Variants in TBC1D1 observed in about 807,000 individuals in gnomAD.
The protein encoded by TBC1D1 is TBC1 domain family member 1.
A neutral mutation model predicts 125.6 loss-of-function variants in TBC1D1; 89 were observed. The observed-to-expected ratio is 0.71, with a 90% CI of 0.60 to 0.85. The LOEUF (loss-of-function observed/expected upper bound fraction) is 0.85. Among genes scored for constraint, TBC1D1 ranks in the 40% least tolerant of loss-of-function variants. The probability of loss-of-function intolerance (pLI) is 0.00; values close to 1 mark genes in which losing one functional copy is unlikely to be tolerated. For synonymous variants in TBC1D1, 565 were observed against 564.1 expected (o/e 1.00, Z -0.02); for missense variants, 1,377 against 1,469.2 (o/e 0.94, Z 1.03).
chr4:37,999,676 G>A (rs1738603221), intron 2 of TBC1D1, among the ~76,000 whole-genome samples: 1 of 152,178 alleles, frequency 6.6e-6, no homozygotes, highest in Admixed American at 6.5e-5. Flanking sequence ...GTGGAGGAGA[G>A]TCAGTGGAAG....
chr4:38,052,194 T>TGTGC (rs755025486), intron 11 of TBC1D1, 134 bp downstream of exon 12: 668 of 580,848 alleles, frequency 1.2e-3, no homozygotes, highest in Non-Finnish European at 1.4e-3. Context: ...TGTGTGTGTG[T>TGTGC]GCGCGCGCGT....
intron 15 of TBC1D1, among the ~76,000 whole-genome samples, chr4:38,108,697 C>G (rs1251297991): frequency 6.6e-6 from 1 of 152,188 alleles, no homozygotes; most frequent in African/African-American, 2.4e-5. Context: ...TTTGCTTCTA[C>G]TAAATGTATA....
At chr4:37,899,090 C>G (rs1715265365) in intron 1 of TBC1D1, among the ~76,000 whole-genome samples, 1 of 152,124 alleles carries the variant, frequency 6.6e-6, no homozygotes. Context: ...GATTAAGTTA[C>G]TCCAGGAAAT....
At chr4:38,091,147 C>T (rs754818774) in intron 13 of TBC1D1, among the ~76,000 whole-genome samples, 2 of 152,142 alleles carry the variant, frequency 1.3e-5, no homozygotes, top group Non-Finnish European at 2.9e-5. Flanking sequence ...TTGAAAAGTA[C>T]GAATTCATAG....
intron 2 of TBC1D1, among the ~76,000 whole-genome samples, chr4:38,005,519 C>G (rs1234877751): frequency 6.6e-6 from 1 of 152,168 alleles, no homozygotes; most frequent in Admixed American, 6.5e-5. Context: ...CTTGTGATCC[C>G]CTAGCCTGGC....
chr4:37,996,289 T>C, intron 2 of TBC1D1: 1 of 219,706 alleles, frequency 4.6e-6, no homozygotes, highest in East Asian at 9.8e-5. Flanking sequence ...TAAATATATA[T>C]TGAAGTTATC....
At chr4:38,098,034 G>C (rs923662580) in intron 14 of TBC1D1, among the ~76,000 whole-genome samples, 40 of 152,324 alleles carry the variant, frequency 2.6e-4, no homozygotes, top group Non-Finnish European at 4.7e-4. Context: ...GGATCTCCAG[G>C]TGCTTATCTC....
intron 12 of TBC1D1, among the ~76,000 whole-genome samples, chr4:38,087,662 T>G (rs1352688626): frequency 6.6e-6 from 1 of 151,628 alleles, no homozygotes; most frequent in Admixed American, 6.6e-5. Context: ...GCCAACATGG[T>G]GAAACCCCGT....
chr4:37,928,927 T>C (rs1161418820), intron 2 of TBC1D1, among the ~76,000 whole-genome samples: 1 of 152,234 alleles, frequency 6.6e-6, no homozygotes, highest in Non-Finnish European at 1.5e-5. Context: ...TTCTCGGCAG[T>C]GCTGAAGATT....
At chr4:38,002,082 G>A (rs1739193185) in intron 2 of TBC1D1, among the ~76,000 whole-genome samples, 1 of 152,166 alleles carries the variant, frequency 6.6e-6, no homozygotes, top group South Asian at 2.1e-4. Context: ...GCTTGAGAGA[G>A]AGCATTCCTG....
intron 2 of TBC1D1, among the ~76,000 whole-genome samples, chr4:37,920,440 G>A (rs1720714389): frequency 6.6e-6 from 1 of 152,210 alleles, no homozygotes; most frequent in African/African-American, 2.4e-5. Flanking sequence ...GTGAGCTGGG[G>A]AGTGCAGAAA....
rs758739797 is a variant in TBC1D1, at chr4:38,115,804, C to T, written c.2652C>T (p.Asp884=). Residue 884 remains aspartate, a synonymous_variant, in exon 16 of 20, where the codon GAC becomes GAT. Coordinates refer to ENST00000261439, the MANE Select transcript of TBC1D1 (RefSeq NM_015173.4). ...TTTTGAAGGCCTACTCACTTCTAGACCAGGAAGTGGGATATTGCCAAGGTC... is the reference window on the plus strand; with the variant it reads ...TTTTGAAGGCCTACTCACTTCTAGATCAGGAAGTGGGATATTGCCAAGGTC... 6.2e-7 allele frequency: 1 copy of T among 1,614,156 alleles called. No individual in the cohort carries two copies. Among genetic ancestry groups the T allele is most frequent in the Non-Finnish European group, 8.5e-7 (1 of 1,180,022 alleles).
chr4:37,995,296 G>A lies in TBC1D1; in HGVS notation c.418-19213G>A, dbSNP rs1053001257. 2.6e-5 allele frequency among the ~76,000 whole-genome samples: 4 copies of A among 152,160 alleles called. No individual in the cohort carries two copies. The highest frequency in any genetic ancestry group is 7.2e-5 in the African/African-American group (3 of 41,436). On this transcript the variant is annotated intron_variant, in intron 2 of 19. Transcript: ENST00000261439. This position sits in a 1 kb window ranked among gnomAD's most constrained non-coding sequence, Gnocchi z 4.3. ...CTACGAATTCAGACTTGGAAACTTC[G>A]TTGTCTGTGCAACTTCATACTGTTT... is the stretch of plus-strand genomic sequence containing the variant.
intron 6 of TBC1D1, 23 bp from the exon 7 acceptor site, chr4:38,027,765 G>A (rs183707573): frequency 6.4e-7 from 1 of 1,559,746 alleles, no homozygotes; most frequent in East Asian, 2.2e-5. Context: ...ATTTTTTCAT[G>A]CCTCTCTTTT....
In TBC1D1 at chr4:37,952,042, G is replaced by A. The variant is rs914414772; in HGVS notation, c.417+49530G>A. 7 of 717,694 alleles carry A rather than the reference G, an allele frequency of 9.8e-6. No homozygotes were observed. In the Admixed American group the frequency reaches 1.0e-4, roughly 10 times the overall value. 44.5% of individuals were successfully genotyped at this position (717,694 alleles called of 1,614,324 possible). On this transcript the variant is annotated intron_variant, in intron 2 of 19. Transcript: ENST00000261439. ...ACTGTAGGGGACCTTTGAAAGAGCT[G>A]CCGGAGAAGGTGAGGAAGAAAGCCC...
At chr4:38,043,988 A>G (rs372133905) in intron 8 of TBC1D1, among the ~76,000 whole-genome samples, 2 of 152,250 alleles carry the variant, frequency 1.3e-5, no homozygotes, top group East Asian at 3.8e-4. Flanking sequence ...ACACAGTGTT[A>G]TGATTCGATC....
intron 6 of TBC1D1, among the ~76,000 whole-genome samples, chr4:38,023,599 CATA>C (rs1744497918): frequency 6.6e-6 from 1 of 152,188 alleles, no homozygotes; most frequent in African/African-American, 2.4e-5. Context: ...TTTCACTTAG[CATA>C]ATGTTTTCCA....
chr4:38,027,949 A>C, intron 7 of TBC1D1, 70 bp downstream of exon 7: 1 of 1,179,824 alleles, frequency 8.5e-7, no homozygotes, highest in Admixed American at 2.3e-5. Flanking sequence ...TGCTATGTGT[A>C]AAAAATAGCA....
intron 3 of TBC1D1, among the ~76,000 whole-genome samples, chr4:38,015,397 TGTGA>T (rs1445289101): frequency 2.0e-5 from 3 of 152,354 alleles, no homozygotes; most frequent in African/African-American, 7.2e-5. Context: ...AGAGTGGCTT[TGTGA>T]GTGACATTAT....
Sources: allele counts gnomAD v4.1 joint callset (sites outside exome capture counted in the v4.1 genomes callset), GRCh38; gene constraint gnomAD v4.1.1; non-coding constraint Gnocchi (gnomAD v3.1); transcripts MANE v1.5; gene names NCBI Gene and HGNC (gene_info 2026-07-23, HGNC 2026-07-21).